The following EPB41L4A variants were observed in gnomAD, a reference collection of about 807,000 sequenced individuals.
The protein encoded by EPB41L4A is erythrocyte membrane protein band 4.1 like 4A.
EPB41L4A carries 100 observed loss-of-function variants against 108.6 expected under a neutral mutation model. The ratio of observed to expected loss-of-function variants is 0.92; its 90% CI spans 0.78 to 1.09. EPB41L4A has a LOEUF of 1.09. Ranked by LOEUF, EPB41L4A falls within the 50% of genes least tolerant of loss-of-function variation. The pLI is 0.00. For synonymous variants in EPB41L4A, 319 were observed against 289.0 expected (o/e 1.10, Z -1.05); for missense variants, 1,030 against 842.7 (o/e 1.22, Z -2.75).
chr5:112,266,150 G>A (rs374868706), intron 5 of EPB41L4A, 83 bp downstream of exon 5: 1 of 961,052 alleles, frequency 1.0e-6, no homozygotes, highest in South Asian at 1.7e-5. Context: ...GATAAGAAGA[G>A]TTTTAGTATG....
intron 13 of EPB41L4A, among the ~76,000 whole-genome samples, chr5:112,206,735 T>A (rs1762491631): frequency 6.6e-6 from 1 of 152,222 alleles, no homozygotes; most frequent in Admixed American, 6.5e-5. Flanking sequence ...ACAAGTTAAT[T>A]GCATTCACAC....
chr5:112,239,806 C>G (rs1287465413), intron 10 of EPB41L4A, 69 bp from the exon 11 acceptor site: 11 of 1,009,014 alleles, frequency 1.1e-5, no homozygotes, highest in African/African-American at 4.9e-5. Context: ...ACCCCCTTCT[C>G]CTAACACAAA....
At chr5:112,175,732 G>C (rs1375433945) in intron 18 of EPB41L4A, among the ~76,000 whole-genome samples, 1 of 151,700 alleles carries the variant, frequency 6.6e-6, no homozygotes. Flanking sequence ...ATGTGTGTGT[G>C]TGTGTATATG....
chr5:112,315,086 G>A (rs566873866), intron 1 of EPB41L4A, among the ~76,000 whole-genome samples: 2 of 152,258 alleles, frequency 1.3e-5, no homozygotes, highest in South Asian at 4.1e-4. Context: ...CAGGTTTCAG[G>A]AGGTCTCCCT....
At chr5:112,409,571 G>A (rs1480987905) in intron 1 of EPB41L4A, among the ~76,000 whole-genome samples, 2 of 152,028 alleles carry the variant, frequency 1.3e-5, no homozygotes, top group East Asian at 1.9e-4. Context: ...CCTAGAAAAC[G>A]GAAAGGAGAG....
Position 112,178,276 on chromosome 5 carries a change from C to T in EPB41L4A, c.1622+5740G>A, listed in dbSNP as rs1024248693. On this transcript the variant is annotated intron_variant, in intron 18 of 22. Coordinates refer to ENST00000261486, the MANE Select transcript of EPB41L4A (RefSeq NM_022140.5). Reference sequence around the variant, plus strand: ...AAGGAAAAAACCATACATATGCATACACCTAACACCAGAGCTTCAAAATAA... The same window carrying T: ...AAGGAAAAAACCATACATATGCATATACCTAACACCAGAGCTTCAAAATAA... 3.3e-5 allele frequency among the ~76,000 whole-genome samples: 5 copies of T among 152,220 alleles called. No homozygotes were observed. In the East Asian group the frequency reaches 9.6e-4, roughly 29 times the overall value.
At chr5:112,341,932 A>G (rs973838519) in intron 1 of EPB41L4A, among the ~76,000 whole-genome samples, 3 of 152,220 alleles carry the variant, frequency 2.0e-5, no homozygotes, top group Admixed American at 1.3e-4. Flanking sequence ...AGAAGACAGT[A>G]TAACAGTATT....
chr5:112,402,688 A>T (rs1761844014), intron 1 of EPB41L4A, among the ~76,000 whole-genome samples: 3 of 152,202 alleles, frequency 2.0e-5, no homozygotes, highest in Admixed American at 2.0e-4. Context: ...CCTCCTTTTC[A>T]ACTTTTCTAT....
At chr5:112,152,018 C>T (rs1402165287) in intron 12 of EPB41L4A, among the ~76,000 whole-genome samples, 2 of 152,138 alleles carry the variant, frequency 1.3e-5, no homozygotes, top group Non-Finnish European at 2.9e-5. Context: ...AGGCGTGAGC[C>T]ACCATTCCCA....
At chr5:112,285,528 G>C (rs1298588932) in intron 2 of EPB41L4A, among the ~76,000 whole-genome samples, 1 of 152,144 alleles carries the variant, frequency 6.6e-6, no homozygotes, top group African/African-American at 2.4e-5. Flanking sequence ...ATGAGTCACA[G>C]AAGCCTTAGG....
intron 1 of EPB41L4A, among the ~76,000 whole-genome samples, chr5:112,388,283 T>A (rs1760694619): frequency 2.0e-5 from 3 of 151,926 alleles, no homozygotes; most frequent in Admixed American, 2.0e-4. Context: ...CCAGCCAGAG[T>A]CAGCCTTAAA....
chr5:112,332,454 T>C (rs1239835862), intron 1 of EPB41L4A, among the ~76,000 whole-genome samples: 2 of 152,196 alleles, frequency 1.3e-5, no homozygotes, highest in Non-Finnish European at 1.5e-5. Context: ...ATGAAATACA[T>C]GCGTATTGAT....
chr5:112,343,025 G>T (rs957689676), intron 1 of EPB41L4A, among the ~76,000 whole-genome samples: 4 of 152,174 alleles, frequency 2.6e-5, no homozygotes, highest in Non-Finnish European at 5.9e-5. Context: ...GTGGCCGATA[G>T]AAATAGATCC....
chr5:112,183,087 A>G (rs1354622492), intron 18 of EPB41L4A, among the ~76,000 whole-genome samples: 1 of 152,110 alleles, frequency 6.6e-6, no homozygotes, highest in Non-Finnish European at 1.5e-5. Flanking sequence ...GTCCCACAGT[A>G]AAAAGAGTCC....
At chr5:112,303,182 C>T (rs961760581) in intron 2 of EPB41L4A, among the ~76,000 whole-genome samples, 1 of 152,066 alleles carries the variant, frequency 6.6e-6, no homozygotes, top group Non-Finnish European at 1.5e-5. Flanking sequence ...CTTTCCAGAA[C>T]ATATAATCAC....
chr5:112,339,527 TCTATATATATATATA>T (rs1757163112), intron 1 of EPB41L4A, among the ~76,000 whole-genome samples: 1 of 66,614 alleles, frequency 1.5e-5, no homozygotes, highest in Non-Finnish European at 2.8e-5. Flanking sequence ...TAGATATATA[TCTATATATATATATA>T]TTTTTTTTTT....
intron 1 of EPB41L4A, among the ~76,000 whole-genome samples, chr5:112,319,410 G>A (rs1011496712): frequency 6.6e-6 from 1 of 152,150 alleles, no homozygotes; most frequent in African/African-American, 2.4e-5. Flanking sequence ...TAGAAGGAAT[G>A]ACAGAATAAG....
At chr5:112,380,916 C>T (rs948515521) in intron 1 of EPB41L4A, among the ~76,000 whole-genome samples, 6 of 152,072 alleles carry the variant, frequency 3.9e-5, no homozygotes, top group African/African-American at 1.4e-4. Context: ...CCAGACCATT[C>T]TTACATTCCT....
chr5:112,254,752 C>T (rs1344828963), intron 9 of EPB41L4A, among the ~76,000 whole-genome samples: 1 of 152,084 alleles, frequency 6.6e-6, no homozygotes, highest in African/African-American at 2.4e-5. Context: ...CTCTGTATAT[C>T]TCAGTCACCC....
Sources: allele counts gnomAD v4.1 joint callset (sites outside exome capture counted in the v4.1 genomes callset), GRCh38; gene constraint gnomAD v4.1.1; transcripts MANE v1.5; gene names NCBI Gene and HGNC (gene_info 2026-07-23, HGNC 2026-07-21).